Variants in KCTD20 observed in about 807,000 individuals in gnomAD.
The protein encoded by KCTD20 is BTB/POZ domain-containing protein KCTD20.
In KCTD20, 30 loss-of-function variants were observed where a neutral mutation model predicts 39.6. The observed-to-expected ratio is 0.76, with a 90% CI of 0.57 to 1.03. The LOEUF (loss-of-function observed/expected upper bound fraction) is 1.03. Among genes scored for constraint, KCTD20 ranks in the 50% least tolerant of loss-of-function variants. The pLI, the probability that KCTD20 is intolerant of heterozygous loss-of-function variation, is 0.00. For missense variants in KCTD20, 422 were observed against 522.0 expected, an observed-to-expected ratio of 0.81 and a Z score of 1.87; for synonymous variants, 162 against 180.6, an observed-to-expected ratio of 0.90 and a Z score of 0.83.
rs1336302590 is a variant in KCTD20 at position 36,467,500 on chromosome 6, G to A, written c.-46-2552G>A. ...ACTACAGGCGCCCCCACCACGCCCG[G>A]GTAATTTTTGTATTTTTAATAGAGA... On this transcript the variant is annotated intron_variant, in intron 1 of 7. Transcript: ENST00000373731. Among the ~76,000 whole-genome samples the A allele has an allele frequency of 2.0e-5, 3 of 149,946 alleles. No individual in the cohort carries two copies. The East Asian group carries it at 6.1e-4, about 30-fold the overall frequency.
Position 36,487,530 on chromosome 6 carries a change from G to T in KCTD20, c.*355G>T. ...CCTTATCCTTTATACTCTGTTCTTG[G>T]GTTTTGTTTTTGTCTTGTTTTATAC... On this transcript the variant is annotated 3_prime_UTR_variant, in exon 8 of 8. Transcript: ENST00000373731. 5.1e-6 allele frequency: 1 copy of T among 196,446 alleles called. No homozygotes were observed. Among genetic ancestry groups the T allele is most frequent in the South Asian group, 1.5e-4 (1 of 6,454 alleles). 12.2% of individuals were successfully genotyped at this position (196,446 alleles called of 1,614,324 possible). A position where few individuals can be genotyped will look rare whatever the true frequency, so the allele number is the denominator to read the frequency against.
chr6:36,461,617 A>T (rs1212034897), intron 1 of KCTD20, among the ~76,000 whole-genome samples: 2 of 152,230 alleles, frequency 1.3e-5, no homozygotes, highest in Non-Finnish European at 2.9e-5. Flanking sequence ...AGTAACTCAC[A>T]TAGCCTTTTA....
At chr6:36,450,041 G>C (rs1375784994) in intron 1 of KCTD20, among the ~76,000 whole-genome samples, 1 of 151,970 alleles carries the variant, frequency 6.6e-6, no homozygotes, top group African/African-American at 2.4e-5. Flanking sequence ...GCAGGCGCCT[G>C]TAGTCCCAGC....
chr6:36,485,910 CTT>C (rs539635393), intron 7 of KCTD20, among the ~76,000 whole-genome samples: 1 of 147,586 alleles, frequency 6.8e-6, no homozygotes, highest in African/African-American at 2.5e-5. Context: ...AGTTGGAGGA[CTT>C]TTTTTTTTAA....
Position 36,484,770 on chromosome 6 carries a change from G to A in KCTD20, c.913G>A (p.Ala305Thr), listed in dbSNP as rs1776366055. 2 of 1,607,834 alleles carry A rather than the reference G, an allele frequency of 1.2e-6. No individual in the cohort carries two copies. ...CAAATATATTGAGAATAGGGATGTT[G>A]CAAAAACAGTGTTAAAGGAACGGGG... Reference protein sequence around the residue: ...FFKYIENRDVAKTVLKERGLK... With the variant: ...FFKYIENRDVTKTVLKERGLK... Residue 305 changes from alanine to threonine, a missense_variant, in exon 7 of 8, where the codon GCA becomes ACA. Transcript: ENST00000373731.
At chr6:36,445,984 G>C (rs1413205412) in intron 1 of KCTD20, among the ~76,000 whole-genome samples, 1 of 149,978 alleles carries the variant, frequency 6.7e-6, no homozygotes, top group African/African-American at 2.5e-5. Flanking sequence ...AAGAGCAAGA[G>C]ATAGCTATCT....
rs114584345 is a variant in KCTD20, at chr6:36,449,407, G to A, written c.-47+6296G>A. On this transcript the variant is annotated intron_variant, in intron 1 of 7. Coordinates refer to ENST00000373731, the MANE Select transcript of KCTD20 (RefSeq NM_173562.5). Reference sequence around the variant, plus strand: ...GAGCGCTGATTGATAGACACAGAGCGCTGATTCATGCGTTTTTACATAGTG... The same window carrying A: ...GAGCGCTGATTGATAGACACAGAGCACTGATTCATGCGTTTTTACATAGTG... Among the ~76,000 whole-genome samples, 403 of 151,208 alleles carry A rather than the reference G, an allele frequency of 2.7e-3. 1 individual carries two copies. The highest frequency in any genetic ancestry group is 6.8e-3 in the Middle Eastern group (2 of 292).
At chr6:36,453,047 G>T (rs1486162965) in intron 1 of KCTD20, among the ~76,000 whole-genome samples, 1 of 109,868 alleles carries the variant, frequency 9.1e-6, no homozygotes, top group Admixed American at 1.4e-4. Context: ...TCACTCTGTT[G>T]CCCTGGCTGG....
intron 1 of KCTD20, among the ~76,000 whole-genome samples, chr6:36,460,435 T>G (rs1331790114): frequency 1.3e-5 from 2 of 152,092 alleles, no homozygotes; most frequent in Non-Finnish European, 2.9e-5. Flanking sequence ...TCCCGAGTAG[T>G]TAGAACTACA....
intron 6 of KCTD20, 30 bp from the exon 7 acceptor site, chr6:36,484,684 A>G: frequency 9.2e-7 from 1 of 1,087,530 alleles, no homozygotes; most frequent in Non-Finnish European, 1.4e-6. Context: ...TCTTTACTCC[A>G]TGGCTAACCC....
intron 1 of KCTD20, among the ~76,000 whole-genome samples, chr6:36,449,197 G>A (rs1582297457): frequency 2.0e-5 from 3 of 152,292 alleles, no homozygotes; most frequent in African/African-American, 7.2e-5. Context: ...CTGCTGATTG[G>A]TCCATTTTAC....
chr6:36,473,152 C>G (rs1775960884), intron 2 of KCTD20, among the ~76,000 whole-genome samples: 2 of 151,922 alleles, frequency 1.3e-5, no homozygotes, highest in African/African-American at 4.8e-5. Flanking sequence ...GCTCTGCCTC[C>G]CGGGTTCACA....
At chr6:36,479,738 C>T in intron 5 of KCTD20, 27 bp downstream of exon 5, 5 of 1,523,330 alleles carry the variant, frequency 3.3e-6, no homozygotes, top group Non-Finnish European at 4.4e-6. Context: ...GTGCCAGCTG[C>T]ACTTAAGCAG....
intron 1 of KCTD20, among the ~76,000 whole-genome samples, chr6:36,464,621 C>T (rs1171884284): frequency 6.6e-6 from 1 of 152,122 alleles, no homozygotes; most frequent in Non-Finnish European, 1.5e-5. Flanking sequence ...CTCCCCCAAA[C>T]TTCATCCCAT....
chr6:36,471,399 A>G lies in KCTD20; in HGVS notation c.160+1142A>G, dbSNP rs575093878. Among the ~76,000 whole-genome samples the G allele has an allele frequency of 2.2e-4, 33 of 152,304 alleles. No individual in the cohort carries two copies. In the South Asian group the frequency reaches 6.6e-3, roughly 31 times the overall value. ...TAAATAAAATTTTAATGAAACAGCC[A>G]TCATGTCCATATTGTCTATGGCTGC... On this transcript the variant is annotated intron_variant, in intron 2 of 7. Transcript: ENST00000373731.
intron 1 of KCTD20, among the ~76,000 whole-genome samples, chr6:36,448,953 T>G (rs1775143830): frequency 6.6e-6 from 1 of 152,140 alleles, no homozygotes; most frequent in East Asian, 1.9e-4. Flanking sequence ...CTGGAGTTGT[T>G]TGTTCCTCCC....
At chr6:36,447,032 G>T (rs1775069769) in intron 1 of KCTD20, among the ~76,000 whole-genome samples, 1 of 152,162 alleles carries the variant, frequency 6.6e-6, no homozygotes, top group African/African-American at 2.4e-5. Context: ...TGAGCCTGTA[G>T]TAAAGTAAGT....
intron 1 of KCTD20, among the ~76,000 whole-genome samples, chr6:36,444,864 G>A (rs1216211801): frequency 2.6e-5 from 4 of 152,148 alleles, no homozygotes; most frequent in Admixed American, 1.3e-4. Context: ...GTTCCTTCCT[G>A]TTATGCCAGA....
chr6:36,472,208 C>A lies in KCTD20; in HGVS notation c.160+1951C>A, dbSNP rs1490176442. 8.5e-5 allele frequency among the ~76,000 whole-genome samples: 13 copies of A among 152,316 alleles called. No homozygotes were observed. In the South Asian group the frequency reaches 1.9e-3, roughly 22 times the overall value. On this transcript the variant is annotated intron_variant, in intron 2 of 7. Transcript: ENST00000373731. ...ACGTGTGAAAGCCTATCCTGGTGAT[C>A]AAAGTGGGTTGCCTGTGGGTTACCT...
Sources: allele counts gnomAD v4.1 joint callset (sites outside exome capture counted in the v4.1 genomes callset), GRCh38; gene constraint gnomAD v4.1.1; transcripts MANE v1.5; gene names NCBI Gene and HGNC (gene_info 2026-07-23, HGNC 2026-07-21).